EPHB2: variants seen among roughly 807,000 people sequenced by gnomAD.
EPHB2 encodes EPH receptor B2.
A neutral mutation model predicts 96.4 loss-of-function variants in EPHB2; 18 were observed. That is an observed-to-expected ratio of 0.19 (90% confidence interval 0.13 to 0.28). EPHB2 has a LOEUF of 0.28. Among genes scored for constraint, EPHB2 ranks in the 10% least tolerant of loss-of-function variants. The pLI is 1.00. For synonymous variants in EPHB2, 506 were observed against 534.1 expected (o/e 0.95, Z 0.72); for missense variants, 989 against 1,355.4 (o/e 0.73, Z 4.25).
At chr1:22,724,563 T>A (rs1643540704) in intron 1 of EPHB2, among the ~76,000 whole-genome samples, 2 of 152,196 alleles carry the variant, frequency 1.3e-5, no homozygotes, top group African/African-American at 2.4e-5. Context: ...GACTCAGAAG[T>A]TAAATAACTC....
At chr1:22,789,559 A>G (rs1188777606) in intron 3 of EPHB2, among the ~76,000 whole-genome samples, 16 of 152,170 alleles carry the variant, frequency 1.1e-4, no homozygotes. Context: ...TTCAACATGC[A>G]TGTTTTGAGT....
Position 22,858,436 on chromosome 1 carries a change from A to G in EPHB2, c.812-4601A>G, listed in dbSNP as rs1004319404. ...AGAGGCCACAGTGGAGCAGAGACCCATTCGATGGCTCTCTCTGTCATTATT... is the reference window on the plus strand; with the variant it reads ...AGAGGCCACAGTGGAGCAGAGACCCGTTCGATGGCTCTCTCTGTCATTATT... On this transcript the variant is annotated intron_variant, in intron 3 of 15. Coordinates refer to ENST00000374630, the MANE Select transcript of EPHB2 (RefSeq NM_017449.5). This position sits in a 1 kb window ranked among gnomAD's most constrained non-coding sequence, Gnocchi z 7.7. Among the ~76,000 whole-genome samples, 7 of 152,164 alleles carry G rather than the reference A, an allele frequency of 4.6e-5. No individual in the cohort carries two copies. The highest frequency in any genetic ancestry group is 1.3e-4 in the Admixed American group (2 of 15,276).
intron 9 of EPHB2, among the ~76,000 whole-genome samples, chr1:22,904,348 T>G (rs1345131904): frequency 8.6e-5 from 13 of 152,014 alleles, no homozygotes; most frequent in Admixed American, 8.5e-4. Flanking sequence ...CAAGGTTGGA[T>G]TTTTTGAGAA....
At chr1:22,833,223 T>C (rs1355942480) in intron 3 of EPHB2, among the ~76,000 whole-genome samples, 1 of 152,162 alleles carries the variant, frequency 6.6e-6, no homozygotes, top group Non-Finnish European at 1.5e-5. Flanking sequence ...GTTCCAGCGA[T>C]TCTCCTGCCT....
At chr1:22,814,957 G>C (rs1047422723) in intron 3 of EPHB2, among the ~76,000 whole-genome samples, 1 of 152,222 alleles carries the variant, frequency 6.6e-6, no homozygotes, top group African/African-American at 2.4e-5. Context: ...AGACAGCTCT[G>C]GGTGGCTGGA....
intron 1 of EPHB2, among the ~76,000 whole-genome samples, chr1:22,756,838 T>G (rs1262375837): frequency 2.6e-5 from 4 of 152,166 alleles, no homozygotes; most frequent in Non-Finnish European, 5.9e-5. Flanking sequence ...TGCTAGAAGC[T>G]TCTGTACCCG....
At chr1:22,797,378 TG>T (rs1176220044) in intron 3 of EPHB2, among the ~76,000 whole-genome samples, 1 of 152,200 alleles carries the variant, frequency 6.6e-6, no homozygotes, top group Non-Finnish European at 1.5e-5. Flanking sequence ...ACAAAGTGAC[TG>T]CTCCCTCTTC....
chr1:22,894,208 G>C (rs1383906421), intron 7 of EPHB2, among the ~76,000 whole-genome samples: 1 of 152,174 alleles, frequency 6.6e-6, no homozygotes, highest in Non-Finnish European at 1.5e-5. Context: ...AAATGTGGCT[G>C]AGGCCTTGCC....
At chr1:22,838,378 G>A (rs1467804808) in intron 3 of EPHB2, among the ~76,000 whole-genome samples, 1 of 152,258 alleles carries the variant, frequency 6.6e-6, no homozygotes, top group Non-Finnish European at 1.5e-5. Context: ...AGGGGCATAG[G>A]CCAGGAGTCA....
intron 6 of EPHB2, among the ~76,000 whole-genome samples, chr1:22,883,501 G>A (rs551677890): frequency 2.0e-5 from 3 of 152,370 alleles, no homozygotes; most frequent in Admixed American, 1.3e-4. Context: ...GAAAGGCATC[G>A]CGGGGCTTCC....
intron 1 of EPHB2, among the ~76,000 whole-genome samples, chr1:22,736,249 C>A (rs966626090): frequency 2.0e-5 from 3 of 152,094 alleles, no homozygotes; most frequent in Admixed American, 6.5e-5. Flanking sequence ...CAAGACTGTA[C>A]CTGAAAGGGG....
intron 6 of EPHB2, among the ~76,000 whole-genome samples, chr1:22,887,146 T>G (rs1442553824): frequency 1.3e-5 from 2 of 151,922 alleles, no homozygotes; most frequent in Admixed American, 1.3e-4. Context: ...TGCCAGGGTT[T>G]AAGGAGGGGA....
At chr1:22,904,327 A>G (rs1451887625) in intron 9 of EPHB2, among the ~76,000 whole-genome samples, 1 of 151,092 alleles carries the variant, frequency 6.6e-6, no homozygotes, top group Non-Finnish European at 1.5e-5. Context: ...AAAAATCCAG[A>G]GGTCTATACT....
intron 3 of EPHB2, among the ~76,000 whole-genome samples, chr1:22,856,248 TCCTG>T: frequency 6.6e-6 from 1 of 152,208 alleles, no homozygotes; most frequent in Admixed American, 6.5e-5. Flanking sequence ...CCAGATGGAG[TCCTG>T]CCTCGGCCTG....
chr1:22,902,009 A>T (rs528733780), intron 9 of EPHB2, among the ~76,000 whole-genome samples: 5 of 151,948 alleles, frequency 3.3e-5, no homozygotes, highest in African/African-American at 1.2e-4. Flanking sequence ...TATTTTTTGT[A>T]GAGATGGGTT....
At chr1:22,755,418 T>C (rs1025258382) in intron 1 of EPHB2, among the ~76,000 whole-genome samples, 3 of 152,182 alleles carry the variant, frequency 2.0e-5, no homozygotes, top group Non-Finnish European at 4.4e-5. Flanking sequence ...CCAAATCAAA[T>C]GGGCACACTG....
intron 1 of EPHB2, among the ~76,000 whole-genome samples, chr1:22,778,275 C>G (rs35711504): frequency 5.3e-5 from 8 of 152,214 alleles, no homozygotes; most frequent in Admixed American, 2.6e-4. Flanking sequence ...ATCTCCCCCC[C>G]TCAAAAGGTC....
chr1:22,899,943 A>G (rs1166237824), intron 9 of EPHB2, among the ~76,000 whole-genome samples: 1 of 152,010 alleles, frequency 6.6e-6, no homozygotes, highest in African/African-American at 2.4e-5. Flanking sequence ...GCAGTGAACC[A>G]TGGTCTCACC....
At chr1:22,753,550 G>C (rs576330963) in intron 1 of EPHB2, among the ~76,000 whole-genome samples, 4 of 152,192 alleles carry the variant, frequency 2.6e-5, no homozygotes, top group African/African-American at 9.7e-5. Context: ...CCCATGAGCC[G>C]AGTCGGAAGG....
Sources: gnomAD v4.1 joint callset for allele counts (sites outside exome capture counted in the v4.1 genomes callset) on GRCh38, gnomAD v4.1.1 for gene constraint, Gnocchi (gnomAD v3.1) non-coding constraint, MANE v1.5 for transcripts, NCBI Gene and HGNC (gene_info 2026-07-23, HGNC 2026-07-21) for gene names.